The following NT5DC1 variants were observed in gnomAD, a reference collection of about 807,000 sequenced individuals.
NT5DC1 encodes 5'-nucleotidase domain-containing protein 1.
In NT5DC1, 42 loss-of-function variants were observed where a neutral mutation model predicts 59.4. The ratio of observed to expected loss-of-function variants is 0.71; its 90% CI spans 0.55 to 0.92. The LOEUF is 0.92. Ranked by LOEUF, NT5DC1 falls within the 40% of genes least tolerant of loss-of-function variation. NT5DC1 has a pLI of 0.00. For synonymous variants in NT5DC1, 172 were observed against 188.1 expected (o/e 0.91, Z 0.70); for missense variants, 501 against 537.1 (o/e 0.93, Z 0.66).
intron 8 of NT5DC1, among the ~76,000 whole-genome samples, chr6:116,231,078 C>T (rs574208502): frequency 4.1e-4 from 58 of 142,772 alleles, no homozygotes; most frequent in Admixed American, 1.9e-3. Flanking sequence ...TGCACTCCAG[C>T]CTGGGCAATA....
chr6:116,246,450 T>C lies in NT5DC1; in HGVS notation c.*2426T>C, dbSNP rs1382301268. The C allele has an allele frequency of 7.1e-6, 1 of 141,244 alleles. No individual in the cohort carries two copies. The highest frequency in any genetic ancestry group is 2.6e-5 in the African/African-American group (1 of 38,090). The allele number at this position is 141,244 out of a possible 1,614,324, so 8.7% of individuals were successfully genotyped here. On this transcript the variant is annotated 3_prime_UTR_variant, in exon 12 of 12. Transcript: ENST00000319550. ...TATTATTTCCCCACCAATATTCATA[T>C]CCAAAAATAACTTTAAATACACACA...
chr6:116,163,337 C>A (rs1478201207), intron 6 of NT5DC1, among the ~76,000 whole-genome samples: 1 of 151,292 alleles, frequency 6.6e-6, no homozygotes, highest in Non-Finnish European at 1.5e-5. Context: ...TAATTTCCCC[C>A]TGGTTCAATC....
intron 8 of NT5DC1, among the ~76,000 whole-genome samples, chr6:116,229,894 G>C (rs2114551254): frequency 6.6e-6 from 1 of 152,114 alleles, no homozygotes; most frequent in East Asian, 1.9e-4. Flanking sequence ...AGTCTCATAC[G>C]CAGTTCCTCC....
At chr6:116,125,304 CTTG>C in intron 6 of NT5DC1, 1 of 1,605,786 alleles carries the variant, frequency 6.2e-7, no homozygotes, top group Non-Finnish European at 8.5e-7. Context: ...CAACAAGCAA[CTTG>C]TTAATAGAAC....
intron 4 of NT5DC1, 24 bp downstream of exon 4, chr6:116,110,980 C>T (rs1189838298): frequency 7.0e-7 from 1 of 1,430,690 alleles, no homozygotes; most frequent in South Asian, 1.1e-5. Flanking sequence ...GAGGCAGCTC[C>T]ACCATCCGCT....
chr6:116,206,271 C>T (rs979550406), intron 6 of NT5DC1, among the ~76,000 whole-genome samples: 4 of 151,970 alleles, frequency 2.6e-5, no homozygotes, highest in Admixed American at 1.3e-4. Flanking sequence ...AAAAATAGCT[C>T]TAACACAAAA....
intron 8 of NT5DC1, among the ~76,000 whole-genome samples, chr6:116,231,106 C>CA (rs34948626): frequency 0.32 from 22,602 of 69,736 alleles, 3,898 homozygotes; most frequent in East Asian, 0.65. Flanking sequence ...AACTCCGTCT[C>CA]AAAAAAAAAA....
chr6:116,143,345 G>A (rs1582831228), intron 6 of NT5DC1, among the ~76,000 whole-genome samples: 1 of 152,002 alleles, frequency 6.6e-6, no homozygotes, highest in Admixed American at 6.6e-5. Context: ...CAAGTAGCTG[G>A]GATTATAGGC....
chr6:116,184,455 A>G (rs145714688), intron 6 of NT5DC1, among the ~76,000 whole-genome samples: 3,866 of 152,026 alleles, frequency 0.025, 69 homozygotes, highest in South Asian at 0.057. Context: ...AATAGTGTCA[A>G]TTGGATTGGT....
chr6:116,163,141 A>AAAATATATATATATATATATAT (rs761718922), intron 6 of NT5DC1, among the ~76,000 whole-genome samples: 2 of 88,408 alleles, frequency 2.3e-5, no homozygotes, highest in Admixed American at 1.3e-4. Flanking sequence ...AAAAAAAAAA[A>AAAATATATATATATATATATAT]ATATATATAT....
intron 6 of NT5DC1, among the ~76,000 whole-genome samples, chr6:116,181,889 A>G (rs559742264): frequency 8.3e-4 from 127 of 152,226 alleles, no homozygotes; most frequent in Non-Finnish European, 1.5e-3. Flanking sequence ...TTCTATTTCA[A>G]TAGGTTTTTG....
At chr6:116,242,352 TA>T (rs987713075) in intron 11 of NT5DC1, among the ~76,000 whole-genome samples, 72 of 151,234 alleles carry the variant, frequency 4.8e-4, no homozygotes, top group African/African-American at 1.7e-3. Context: ...AAAATAAAAA[TA>T]AAAAAATAAA....
intron 9 of NT5DC1, among the ~76,000 whole-genome samples, chr6:116,237,876 A>T (rs1263733905): frequency 1.3e-5 from 2 of 152,234 alleles, no homozygotes; most frequent in Admixed American, 6.5e-5. Context: ...TTTATTAATA[A>T]TTGTAAACAT....
In NT5DC1 at chr6:116,135,843, A is replaced by ATATG. The variant is rs1270712013; in HGVS notation, c.529+17901_529+17902insGTAT. Among the ~76,000 whole-genome samples, 42 of 91,576 alleles carry ATATG rather than the reference A, an allele frequency of 4.6e-4. 1 individual carries two copies. Among genetic ancestry groups the ATATG allele is most frequent in the Non-Finnish European group, 6.9e-4 (34 of 49,014 alleles). 60.1% of individuals were successfully genotyped at this position (91,576 alleles called of 152,430 possible). A position where few individuals can be genotyped will look rare whatever the true frequency, so the allele number is the denominator to read the frequency against. Reference sequence around the variant, plus strand: ...ATACAATATATTTTCAGATATATATATATATATATATATATATATATATAT... The same window carrying ATATG: ...ATACAATATATTTTCAGATATATATATATGTATATATATATATATATATATATAT... On this transcript the variant is annotated intron_variant, in intron 6 of 11. Coordinates refer to ENST00000319550, the MANE Select transcript of NT5DC1 (RefSeq NM_152729.3).
At chr6:116,168,066 T>TA (rs1780513916) in intron 6 of NT5DC1, among the ~76,000 whole-genome samples, 1 of 151,346 alleles carries the variant, frequency 6.6e-6, no homozygotes, top group Non-Finnish European at 1.5e-5. Flanking sequence ...ATCTTCGATT[T>TA]ATGATGTACC....
At chr6:116,238,895 A>G in intron 10 of NT5DC1, 60 bp from the exon 11 acceptor site, 3 of 1,114,294 alleles carry the variant, frequency 2.7e-6, no homozygotes, top group Non-Finnish European at 4.0e-6. Context: ...ATAGACAAAA[A>G]AATTATGAGA....
chr6:116,154,380 T>G (rs778825956), intron 6 of NT5DC1, among the ~76,000 whole-genome samples: 1 of 152,130 alleles, frequency 6.6e-6, no homozygotes, highest in Non-Finnish European at 1.5e-5. Context: ...CAGTTTCCCC[T>G]CAGAAGGAGA....
chr6:116,151,542 C>T (rs34362666), intron 6 of NT5DC1, among the ~76,000 whole-genome samples: 29,008 of 152,038 alleles, frequency 0.19, 3,394 homozygotes, highest in Middle Eastern at 0.34. Flanking sequence ...TAATATAAGA[C>T]TATTAAGTAA....
chr6:116,178,856 C>T (rs1426032327), intron 6 of NT5DC1, among the ~76,000 whole-genome samples: 1 of 152,140 alleles, frequency 6.6e-6, no homozygotes, highest in Non-Finnish European at 1.5e-5. Context: ...CAGTGTTTGC[C>T]TTATAAAAAT....
Sources: allele counts gnomAD v4.1 joint callset (sites outside exome capture counted in the v4.1 genomes callset), GRCh38; gene constraint gnomAD v4.1.1; transcripts MANE v1.5; gene names NCBI Gene and HGNC (gene_info 2026-07-23, HGNC 2026-07-21).